The following DNAH1 variants were observed in gnomAD, a reference collection of about 807,000 sequenced individuals.
DNAH1 encodes dynein axonemal heavy chain 1.
DNAH1 carries 327 observed loss-of-function variants against 484.3 expected under a neutral mutation model. The observed-to-expected ratio is 0.68, with a 90% CI of 0.62 to 0.74. DNAH1 has a LOEUF of 0.74. Ranked by LOEUF, DNAH1 falls within the 30% of genes least tolerant of loss-of-function variation. The pLI is 0.00. For synonymous variants in DNAH1, 2,192 were observed against 2,191.9 expected (o/e 1.00, Z 0.00); for missense variants, 5,052 against 5,546.8 (o/e 0.91, Z 2.83).
chr3:52,331,169 T>G lies in DNAH1; in HGVS notation c.893T>G (p.Leu298Arg). The change falls in exon 7 of 78, where the codon CTG (leucine) becomes CGG (arginine). Residue 298 changes from leucine (L) to arginine (R), a missense_variant. By Grantham distance (102) the Leu-to-Arg change is moderately radical (BLOSUM62 -2). Around this residue, in one of 4 missense-constraint regions of DNAH1, gnomAD observed 1,263 missense variants for 1,218.8 expected, o/e 1.04. Transcript: ENST00000420323. ...TCAGAGGACCCCAAGAGTCAGAAGC[T>G]GAAGTACAAATGGTGCGAGGTCGGC... Reference protein sequence around the residue: ...LGHEDPKSQKLKYKWCEVGVL... With the variant: ...LGHEDPKSQKRKYKWCEVGVL... 1.3e-6 allele frequency: 2 copies of G among 1,599,962 alleles called. No individual in the cohort carries two copies. Among genetic ancestry groups the G allele is most frequent in the Non-Finnish European group, 8.5e-7 (1 of 1,173,112 alleles).
At chr3:52,322,827 G>A (rs780041634) in intron 2 of DNAH1, 52 bp downstream of exon 2, 111 of 1,464,984 alleles carry the variant, frequency 7.6e-5, no homozygotes, top group Admixed American at 4.0e-4. Context: ...TCTGGGCTCC[G>A]TTCACCCATC....
intron 48 of DNAH1, among the ~76,000 whole-genome samples, chr3:52,380,519 T>C (rs562764626): frequency 6.6e-6 from 1 of 152,258 alleles, no homozygotes; most frequent in South Asian, 2.1e-4. Context: ...ACAGTTTCTC[T>C]CCACACGCAT....
Position 52,386,205 on chromosome 3 carries a change from G to C in DNAH1, c.8671G>C (p.Glu2891Gln). 1 of 1,613,904 alleles carries C rather than the reference G, an allele frequency of 6.2e-7. No homozygotes were observed. The highest frequency in any genetic ancestry group is 8.5e-7 in the Non-Finnish European group (1 of 1,179,856). ...AEETRNSVQT[E>Q]EIKANEKAKK... ...GGAGACCCGGAATTCAGTGCAGACA[G>C]AGGAGATCAAAGCCAATGAGAAGGC... The change falls in exon 55 of 78, where the codon GAG becomes CAG. Residue 2891 changes from glutamate (E) to glutamine (Q), a missense_variant. This residue lies in a region of DNAH1 where 2,929 missense variants were observed against 3,409.4 expected (regional missense o/e 0.86). Transcript: ENST00000420323.
At chr3:52,374,038 T>C (rs752425775) in intron 44 of DNAH1, 2 of 1,025,742 alleles carry the variant, frequency 1.9e-6, no homozygotes, top group Non-Finnish European at 3.1e-6. Flanking sequence ...AATATATTGA[T>C]CAGAAGTTTG....
At chr3:52,317,287 G>C (rs1313380896) in intron 1 of DNAH1, among the ~76,000 whole-genome samples, 1 of 152,192 alleles carries the variant, frequency 6.6e-6, no homozygotes, top group Non-Finnish European at 1.5e-5. Flanking sequence ...CATGCCAGGT[G>C]CTGAGAGCAG....
intron 7 of DNAH1, among the ~76,000 whole-genome samples, chr3:52,331,698 C>G (rs1001669224): frequency 6.9e-6 from 1 of 145,362 alleles, no homozygotes; most frequent in Admixed American, 7.2e-5. Context: ...AATCTTGGCT[C>G]ATTGTAACCT....
chr3:52,332,419 A>T (rs773505066), intron 8 of DNAH1, 25 bp downstream of exon 8: 6 of 1,604,130 alleles, frequency 3.7e-6, no homozygotes, highest in Non-Finnish European at 5.1e-6. Flanking sequence ...GGCCTTCCCT[A>T]TTCTGGGCAT....
chr3:52,322,304 G>A, intron 1 of DNAH1, 105 bp from the exon 2 acceptor site: 1 of 725,956 alleles, frequency 1.4e-6, no homozygotes, highest in Admixed American at 3.0e-5. Context: ...TTACCCATGG[G>A]TCATGGGCTG....
chr3:52,326,801 C>T lies in DNAH1; in HGVS notation c.648C>T (p.Asn216=). 1.9e-6 allele frequency: 3 copies of T among 1,613,856 alleles called. No homozygotes were observed. The highest frequency in any genetic ancestry group is 2.5e-6 in the Non-Finnish European group (3 of 1,179,812). ...QLLFSQGIDS[N]KLMPRHLDHQ... The stretch of plus-strand genomic sequence containing the variant: ...TGTTCAGCCAGGGCATCGACTCCAA[C>T]AAGCTCATGCCCAGGCACCTGGACC... The change falls in exon 5 of 78, where the codon AAC becomes AAT. Residue 216 remains asparagine, a synonymous_variant. Transcript: ENST00000420323.
chr3:52,376,655 C>T (rs1440784487), intron 46 of DNAH1, among the ~76,000 whole-genome samples: 1 of 152,200 alleles, frequency 6.6e-6, no homozygotes, highest in Non-Finnish European at 1.5e-5. Context: ...AAACAAGCCC[C>T]ATTCTCCATC....
At chr3:52,374,378 G>T (rs1002271830) in intron 44 of DNAH1, 90 of 1,425,110 alleles carry the variant, frequency 6.3e-5, no homozygotes, top group Non-Finnish European at 8.4e-5. Flanking sequence ...GTGGAGTGCA[G>T]TTTTTAGAAA....
intron 16 of DNAH1, 76 bp from the exon 17 acceptor site, chr3:52,351,886 A>T: frequency 6.6e-7 from 1 of 1,524,308 alleles, no homozygotes; most frequent in Non-Finnish European, 8.9e-7. Flanking sequence ...GCCTGGTGGG[A>T]TGCCCCTGCC....
At position 52,326,288 on chromosome 3, in the gene DNAH1, G is replaced by T. The variant is rs914030550; in HGVS notation, c.555G>T (p.Gln185His). 6.2e-7 allele frequency: 1 copy of T among 1,609,692 alleles called. No individual in the cohort carries two copies. Reference protein sequence around the residue: ...MQVPFQVLPGQHPRKIEIERR... With the variant: ...MQVPFQVLPGHHPRKIEIERR... ...TGCCTTTCCAGGTGCTGCCAGGCCA[G>T]CATCCTCGCAAGATTGAGATCGAGA... The change falls in exon 4 of 78, where the codon CAG becomes CAT. Residue 185 changes from glutamine to histidine, a missense_variant. Coordinates refer to ENST00000420323, the MANE Select transcript of DNAH1 (RefSeq NM_015512.5).
rs759051575 is a variant in DNAH1, at chr3:52,360,373, A to G, written c.4634A>G (p.Tyr1545Cys). Residue 1545 changes from tyrosine (Y) to cysteine (C), a missense_variant, in exon 28 of 78, where the codon TAT becomes TGT. Coordinates refer to ENST00000420323, the MANE Select transcript of DNAH1 (RefSeq NM_015512.5). ...RAVNAEFIYG[Y>C]EYLGNSGRLV... ...GTGAATGCTGAGTTCATCTATGGCTATGAGTACCTGGGCAACAGTGGGAGG... is the reference window on the plus strand; with the variant it reads ...GTGAATGCTGAGTTCATCTATGGCTGTGAGTACCTGGGCAACAGTGGGAGG... 4 of 1,613,994 alleles carry G rather than the reference A, an allele frequency of 2.5e-6. No individual in the cohort carries two copies. Among genetic ancestry groups the G allele is most frequent in the South Asian group, 2.2e-5 (2 of 91,084 alleles).
Position 52,396,921 on chromosome 3 carries a change from C to T in DNAH1, c.11664C>T (p.Asp3888=), listed in dbSNP as rs1246903334. The change falls in exon 73 of 78, where the codon GAC becomes GAT. Residue 3888 remains aspartate, a synonymous_variant. Coordinates refer to ENST00000420323, the MANE Select transcript of DNAH1 (RefSeq NM_015512.5). ...ATTACGGGGGCCGTGTCACTGATGA[C>T]TGGGACCGGCGCTGCATCATGAACA... The part of the protein sequence containing the change: ...EINYGGRVTD[D]WDRRCIMNIL... 6.2e-6 allele frequency: 10 copies of T among 1,612,666 alleles called. No homozygotes were observed. Among genetic ancestry groups the T allele is most frequent in the Non-Finnish European group, 7.6e-6 (9 of 1,179,542 alleles).
chr3:52,354,922 T>C lies in DNAH1; in HGVS notation c.3560T>C (p.Leu1187Pro). Residue 1187 changes from leucine to proline, a missense_variant, in exon 21 of 78, where the codon CTG becomes CCG. Physicochemically the swap from Leu to Pro is moderately conservative, Grantham distance 98. Coordinates refer to ENST00000420323, the MANE Select transcript of DNAH1 (RefSeq NM_015512.5). Reference sequence around the variant, plus strand: ...TACAAGGCGACAGACACCTACATCCTGAAGAGCCCGGACGAGGCCTCACAG... The same window carrying C: ...TACAAGGCGACAGACACCTACATCCCGAAGAGCCCGGACGAGGCCTCACAG... The part of the protein sequence containing the change: ...LPYKATDTYI[L>P]KSPDEASQLL... 6.2e-7 allele frequency: 1 copy of C among 1,614,000 alleles called. No homozygotes were observed. Among genetic ancestry groups the C allele is most frequent in the Non-Finnish European group, 8.5e-7 (1 of 1,179,902 alleles).
At position 52,346,538 on chromosome 3, in the gene DNAH1, G is replaced by A. The variant is rs1024573062; in HGVS notation, c.1723G>A (p.Asp575Asn). 12 of 1,613,832 alleles carry A rather than the reference G, an allele frequency of 7.4e-6. No individual in the cohort carries two copies. The highest frequency in any genetic ancestry group is 2.2e-5 in the East Asian group (1 of 44,902). ...LKVAMRSSLRDMSKGWYNLYE... is the reference protein window; with the variant it reads ...LKVAMRSSLRNMSKGWYNLYE... ...GGTGGCCATGCGCAGCAGCCTGCGC[G>A]ACATGAGCAAGGGCTGGTACAACCT... The change falls in exon 11 of 78, where the codon GAC becomes AAC. Residue 575 changes from aspartate (D) to asparagine (N), a missense_variant. This residue lies in a region of DNAH1 where 1,263 missense variants were observed against 1,218.8 expected (regional missense o/e 1.04). Coordinates refer to ENST00000420323, the MANE Select transcript of DNAH1 (RefSeq NM_015512.5).
At chr3:52,366,655 C>T (rs1703088029) in intron 35 of DNAH1, 78 bp from the exon 36 acceptor site, 17 of 1,554,562 alleles carry the variant, frequency 1.1e-5, no homozygotes, top group Non-Finnish European at 1.4e-5. Context: ...ATAGAATACC[C>T]CTCCCCCTCC....
At chr3:52,344,901 T>C (rs775735283) in intron 9 of DNAH1, among the ~76,000 whole-genome samples, 1 of 152,232 alleles carries the variant, frequency 6.6e-6, no homozygotes, top group Non-Finnish European at 1.5e-5. Flanking sequence ...GAATGTGTAC[T>C]AGGAAACAAT....
Sources: allele counts gnomAD v4.1 joint callset (sites outside exome capture counted in the v4.1 genomes callset), GRCh38; gene constraint gnomAD v4.1.1; regional missense constraint gnomAD v4.1.1; transcripts MANE v1.5; gene names NCBI Gene and HGNC (gene_info 2026-07-23, HGNC 2026-07-21).